Variants in DOCK8 observed in about 807,000 individuals in gnomAD.
DOCK8 encodes dedicator of cytokinesis protein 8.
A neutral mutation model predicts 245.6 loss-of-function variants in DOCK8; 141 were observed. The ratio of observed to expected loss-of-function variants is 0.57; its 90% CI spans 0.50 to 0.66. The LOEUF (loss-of-function observed/expected upper bound fraction) is 0.66, where lower values mean the gene tolerates loss of function less well. Among genes scored for constraint, DOCK8 ranks in the 30% least tolerant of loss-of-function variants. The probability of loss-of-function intolerance (pLI) is 0.00; values close to 1 mark genes in which losing one functional copy is unlikely to be tolerated. For missense variants in DOCK8, 2,965 were observed against 2,603.4 expected, an observed-to-expected ratio of 1.14 and a Z score of -3.02; for synonymous variants, 1,168 against 970.2, an observed-to-expected ratio of 1.20 and a Z score of -3.79.
chr9:439,376 G>C lies in DOCK8; in HGVS notation c.5211G>C (p.Glu1737Asp). ...TAGGCCTCCTGGAGCAGGCCGCGGA[G>C]CTCTTCAGCACGGTCAGTGCCCAGA... ...GLVGLLEQAA[E>D]LFSTGGLYET... Residue 1737 changes from glutamate to aspartate, a missense_variant, in exon 40 of 48, where the codon GAG becomes GAC. Transcript: ENST00000432829. 1 of 1,613,434 alleles carries C rather than the reference G, an allele frequency of 6.2e-7. No individual in the cohort carries two copies. The highest frequency in any genetic ancestry group is 8.5e-7 in the Non-Finnish European group (1 of 1,179,946).
intron 25 of DOCK8, among the ~76,000 whole-genome samples, chr9:398,223 C>G (rs1021247061): frequency 9.9e-5 from 15 of 152,068 alleles, no homozygotes; most frequent in African/African-American, 3.4e-4. Context: ...GATTTTAGAC[C>G]CAGATACTGA....
intron 1 of DOCK8, among the ~76,000 whole-genome samples, chr9:257,256 T>G (rs904093625): frequency 6.6e-6 from 1 of 152,202 alleles, no homozygotes; most frequent in African/African-American, 2.4e-5. Context: ...TTAGTTAAAT[T>G]TGGCTACATA....
intron 28 of DOCK8, among the ~76,000 whole-genome samples, chr9:411,000 G>T (rs1426285633): frequency 6.6e-6 from 1 of 152,208 alleles, no homozygotes; most frequent in South Asian, 2.1e-4. Flanking sequence ...TTCCTTAAAA[G>T]GTACAAAGTA....
chr9:360,066 AAC>A (rs2052647701), intron 14 of DOCK8, among the ~76,000 whole-genome samples: 1 of 152,144 alleles, frequency 6.6e-6, no homozygotes, highest in African/African-American at 2.4e-5. Flanking sequence ...CTGTAATCCC[AAC>A]ATTTTGGGAG....
intron 1 of DOCK8, among the ~76,000 whole-genome samples, chr9:228,649 A>C (rs1587620577): frequency 6.6e-6 from 1 of 152,106 alleles, no homozygotes; most frequent in East Asian, 1.9e-4. Flanking sequence ...GAGAAAATAA[A>C]TTTCTTTTGT....
Position 428,351 on chromosome 9 carries a change from C to T in DOCK8, c.4339-11C>T. 5 of 1,614,058 alleles carry T rather than the reference C, an allele frequency of 3.1e-6. No homozygotes were observed. Among genetic ancestry groups the T allele is most frequent in the Middle Eastern group, 1.7e-4 (1 of 6,000 alleles). On this transcript the variant is annotated splice_polypyrimidine_tract_variant and intron_variant, in intron 34 of 47. Coordinates refer to ENST00000432829, the MANE Select transcript of DOCK8 (RefSeq NM_203447.4). ...CAGGGATTCAATGATGCTGTTCTTC[C>T]ATTCCCCCAGGCGAGCTCGGCTCTG...
rs191591799 is a variant in DOCK8, at chr9:445,333, G to A, written c.5581-1037G>A. The stretch of plus-strand genomic sequence containing the variant: ...CAACCAGATTTCATTATACTAAGTC[G>A]TGATTTACAGTCTGAGGTCAGTGAC... On this transcript the variant is annotated intron_variant, in intron 43 of 47. Coordinates refer to ENST00000432829, the MANE Select transcript of DOCK8 (RefSeq NM_203447.4). Among the ~76,000 whole-genome samples the A allele has an allele frequency of 1.6e-4, 25 of 152,294 alleles. No homozygotes were observed. The East Asian group carries it at 3.9e-3, about 24-fold the overall frequency.
intron 7 of DOCK8, among the ~76,000 whole-genome samples, chr9:323,570 A>G (rs966495857): frequency 1.3e-5 from 2 of 152,158 alleles, no homozygotes; most frequent in Non-Finnish European, 2.9e-5. Flanking sequence ...TGGTGAGTAC[A>G]TTCACATTGT....
intron 28 of DOCK8, among the ~76,000 whole-genome samples, chr9:411,379 C>G (rs184667150): frequency 2.2e-3 from 334 of 152,076 alleles, no homozygotes; most frequent in African/African-American, 7.7e-3. Context: ...TGCCAATGCA[C>G]TCCAGCCTGG....
At chr9:313,761 TCA>T (rs569447957) in intron 6 of DOCK8, among the ~76,000 whole-genome samples, 1 of 152,268 alleles carries the variant, frequency 6.6e-6, no homozygotes, top group African/African-American at 2.4e-5. Flanking sequence ...AATGTTCTCA[TCA>T]CACACACACA....
chr9:231,781 T>G (rs201378597), intron 1 of DOCK8, among the ~76,000 whole-genome samples: 1 of 152,160 alleles, frequency 6.6e-6, no homozygotes, highest in Non-Finnish European at 1.5e-5. Flanking sequence ...TTCCTTATCA[T>G]CTTGAGGAGA....
intron 20 of DOCK8, among the ~76,000 whole-genome samples, chr9:378,474 C>T (rs1045625638): frequency 1.9e-4 from 29 of 152,210 alleles, no homozygotes; most frequent in Admixed American, 1.9e-3. Context: ...CTCTGCTTTG[C>T]ACCCTGATAT....
In DOCK8 at chr9:219,267, C is replaced by A. The variant is rs1048903399; in HGVS notation, c.53+4238C>A. 2.6e-5 allele frequency among the ~76,000 whole-genome samples: 4 copies of A among 152,108 alleles called. No individual in the cohort carries two copies. The South Asian group carries it at 8.3e-4, about 32-fold the overall frequency. ...GGACGATCACCTGAGGTCAGGAGTT[C>A]AAGACCGGCCTGGCCAACATGGCGA... On this transcript the variant is annotated intron_variant, in intron 1 of 47. Coordinates refer to ENST00000432829, the MANE Select transcript of DOCK8 (RefSeq NM_203447.4).
At chr9:374,320 A>C (rs2053425238) in intron 18 of DOCK8, among the ~76,000 whole-genome samples, 1 of 152,186 alleles carries the variant, frequency 6.6e-6, no homozygotes, top group African/African-American at 2.4e-5. Context: ...TAAAATATGC[A>C]ACAGATTTCA....
chr9:400,989 C>T (rs35530677), intron 26 of DOCK8, among the ~76,000 whole-genome samples: 5,199 of 97,788 alleles, frequency 0.053, 490 homozygotes, highest in Middle Eastern at 0.14. Flanking sequence ...ACCACCTCCT[C>T]CACCACCACC....
At chr9:218,385 A>G (rs2046810473) in intron 1 of DOCK8, among the ~76,000 whole-genome samples, 1 of 152,232 alleles carries the variant, frequency 6.6e-6, no homozygotes, top group African/African-American at 2.4e-5. Flanking sequence ...ACTATCTCAC[A>G]GTCTGAGAAG....
chr9:382,622 C>G lies in DOCK8; in HGVS notation c.2715C>G (p.Asn905Lys). The change falls in exon 22 of 48, where the codon AAC (asparagine) becomes AAG (lysine). Residue 905 changes from asparagine (N) to lysine (K), a missense_variant. By Grantham distance (94) the Asn-to-Lys change is moderately conservative. This residue lies in a region of DOCK8 where 2,825 missense variants were observed against 2,453.5 expected (regional missense o/e 1.15). Transcript: ENST00000432829. ...LLQARVMSSS[N>K]PDLAGTHSAA... ...AGGCCCGGGTGATGAGCAGCAGTAACCCAGACCTCGCGGGGACACACTCCG... is the reference window on the plus strand; with the variant it reads ...AGGCCCGGGTGATGAGCAGCAGTAAGCCAGACCTCGCGGGGACACACTCCG... 6.2e-7 allele frequency: 1 copy of G among 1,614,136 alleles called. No homozygotes were observed. The highest frequency in any genetic ancestry group is 1.1e-5 in the South Asian group (1 of 91,084).
intron 8 of DOCK8, 122 bp downstream of exon 8, chr9:325,859 TG>T: frequency 1.1e-6 from 1 of 925,618 alleles, no homozygotes; most frequent in Non-Finnish European, 1.8e-6. Flanking sequence ...TGATCTTTGA[TG>T]AGTCCAGTTC....
intron 2 of DOCK8, among the ~76,000 whole-genome samples, chr9:282,264 G>A (rs1321369082): frequency 6.6e-6 from 1 of 152,090 alleles, no homozygotes; most frequent in Non-Finnish European, 1.5e-5. Context: ...TAGATGCTCA[G>A]AACATCATTG....
Sources: allele counts gnomAD v4.1 joint callset (sites outside exome capture counted in the v4.1 genomes callset), GRCh38; gene constraint gnomAD v4.1.1; regional missense constraint gnomAD v4.1.1; transcripts MANE v1.5; gene names NCBI Gene and HGNC (gene_info 2026-07-23, HGNC 2026-07-21).